Variants in CACNB2 observed in about 807,000 individuals in gnomAD.
CACNB2 encodes the protein voltage-dependent L-type calcium channel subunit beta-2.
CACNB2 carries 42 observed loss-of-function variants against 73.3 expected under a neutral mutation model. The ratio of observed to expected loss-of-function variants is 0.57; its 90% CI spans 0.45 to 0.74. The LOEUF (loss-of-function observed/expected upper bound fraction) is 0.74. Ranked by LOEUF, CACNB2 falls within the 30% of genes least tolerant of loss-of-function variation. The pLI is 0.00. For missense variants in CACNB2, 940 were observed against 853.0 expected (o/e 1.10, Z -1.27); for synonymous variants, 348 against 310.3 (o/e 1.12, Z -1.28).
intron 2 of CACNB2, among the ~76,000 whole-genome samples, chr10:18,303,305 A>G (rs959719825): frequency 4.6e-5 from 7 of 152,120 alleles, no homozygotes; most frequent in African/African-American, 1.4e-4. Flanking sequence ...GAGTTCAAGA[A>G]CAGCCTGGCC....
chr10:18,400,804 C>G (rs896846063), intron 2 of CACNB2: 7 of 1,435,296 alleles, frequency 4.9e-6, no homozygotes, highest in Non-Finnish European at 6.4e-6. Context: ...CAATATAAAG[C>G]ACTCGAGTGT....
intron 2 of CACNB2, among the ~76,000 whole-genome samples, chr10:18,243,479 G>A (rs2036740460): frequency 6.6e-6 from 1 of 152,136 alleles, no homozygotes; most frequent in East Asian, 1.9e-4. Flanking sequence ...AGAGTGCTGT[G>A]GCTTGGATGT....
chr10:18,457,619 G>C (rs570965665), intron 3 of CACNB2, among the ~76,000 whole-genome samples: 1 of 152,010 alleles, frequency 6.6e-6, no homozygotes, highest in African/African-American at 2.4e-5. Context: ...GGCCGGTCGC[G>C]GTGGCTCATG....
chr10:18,251,703 T>G (rs1453270021), intron 2 of CACNB2, among the ~76,000 whole-genome samples: 1 of 152,174 alleles, frequency 6.6e-6, no homozygotes, highest in Admixed American at 6.5e-5. Context: ...TGAGAAGCCA[T>G]CAGAAAACTT....
At position 18,400,953 on chromosome 10, in the gene CACNB2, G is replaced by A. The variant is rs973065942; in HGVS notation, c.214-971G>A. 7 of 1,607,526 alleles carry A rather than the reference G, an allele frequency of 4.4e-6. No homozygotes were observed. In the East Asian group the frequency reaches 6.7e-5, roughly 15 times the overall value. ...CAGAGCATGGATAGGAAAGGAGCTG[G>A]GGTTCTCCGGGGCTCAGCGCGCACT... On this transcript the variant is annotated intron_variant, in intron 2 of 13. Transcript: ENST00000324631.
intron 9 of CACNB2, among the ~76,000 whole-genome samples, chr10:18,520,704 C>A (rs948614556): frequency 3.3e-5 from 5 of 152,232 alleles, no homozygotes; most frequent in African/African-American, 1.2e-4. Flanking sequence ...CTCGCTCATT[C>A]TCACCCTGCC....
intron 2 of CACNB2, among the ~76,000 whole-genome samples, chr10:18,367,060 A>G (rs2132261521): frequency 6.6e-6 from 1 of 152,334 alleles, no homozygotes; most frequent in Admixed American, 6.5e-5. Context: ...AACATGTACT[A>G]CGATGACGAT....
chr10:18,421,601 AGTATGGTATTTTTAAAAG>A (rs2045328344), intron 3 of CACNB2, among the ~76,000 whole-genome samples: 1 of 152,114 alleles, frequency 6.6e-6, no homozygotes, highest in Non-Finnish European at 1.5e-5. Context: ...TGCCTGGCCC[AGTATGGTATTTTTAAAAG>A]GTTTTTTAAG....
intron 2 of CACNB2, among the ~76,000 whole-genome samples, chr10:18,225,830 G>A (rs2035970956): frequency 6.6e-6 from 1 of 151,814 alleles, no homozygotes; most frequent in Non-Finnish European, 1.5e-5. Context: ...TGTAGAAATG[G>A]GGTCCCACTA....
At chr10:18,163,614 G>A (rs1024923816) in intron 2 of CACNB2, among the ~76,000 whole-genome samples, 6 of 152,190 alleles carry the variant, frequency 3.9e-5, no homozygotes, top group Admixed American at 2.0e-4. Flanking sequence ...CATCTGTTTC[G>A]TATTGAGCAT....
intron 1 of CACNB2, among the ~76,000 whole-genome samples, chr10:18,145,556 CTCTT>C (rs2030879327): frequency 6.6e-6 from 1 of 152,044 alleles, no homozygotes; most frequent in African/African-American, 2.4e-5. Flanking sequence ...ATTTTTCTCT[CTCTT>C]TTTATGTGAA....
intron 2 of CACNB2, among the ~76,000 whole-genome samples, chr10:18,242,111 A>ATG (rs1554775803): frequency 4.4e-4 from 3 of 6,768 alleles, no homozygotes; most frequent in Non-Finnish European, 1.1e-3. Context: ...ATATGTATAC[A>ATG]TGTGTGTGTG....
intron 2 of CACNB2, among the ~76,000 whole-genome samples, chr10:18,208,616 A>G (rs1428841989): frequency 6.6e-6 from 1 of 152,032 alleles, no homozygotes; most frequent in Non-Finnish European, 1.5e-5. Flanking sequence ...TGTCTCAAAA[A>G]AATAAAATAA....
intron 2 of CACNB2, among the ~76,000 whole-genome samples, chr10:18,243,544 G>A (rs1331195518): frequency 1.3e-5 from 2 of 152,152 alleles, no homozygotes; most frequent in African/African-American, 2.4e-5. Context: ...AGGTAACGTT[G>A]GGAGCTGGGG....
At position 18,539,398 on chromosome 10, in the gene CACNB2, G is replaced by GAGAC. The variant is rs1564677253; in HGVS notation, c.1659_1662dup (p.Phe555AspfsTer3). 3 of 1,614,060 alleles carry GAGAC rather than the reference G, an allele frequency of 1.9e-6. No individual in the cohort carries two copies. The highest frequency in any genetic ancestry group is 2.5e-6 in the Non-Finnish European group (3 of 1,179,998). On this transcript the variant is annotated frameshift_variant, in exon 14 of 14. Coordinates refer to ENST00000324631, the MANE Select transcript of CACNB2 (RefSeq NM_201596.3). LOFTEE classifies it high-confidence loss of function. ...GACAAGTCGCGGCCTCTCCAGGCAA[G>GAGAC]AGACATTTGACTCGGAAACCCAGGA... is the stretch of plus-strand genomic sequence containing the variant.
intron 9 of CACNB2, chr10:18,519,860 A>G (rs1327454189): frequency 2.5e-6 from 1 of 402,962 alleles, no homozygotes; most frequent in Non-Finnish European, 4.9e-6. Flanking sequence ...TCCAGGGATA[A>G]ATTTTCAGCC....
At chr10:18,417,223 G>T (rs1175798012) in intron 3 of CACNB2, among the ~76,000 whole-genome samples, 2 of 151,522 alleles carry the variant, frequency 1.3e-5, no homozygotes, top group African/African-American at 4.9e-5. Flanking sequence ...GTTGAGTCTG[G>T]ATAGAGTTTA....
chr10:18,267,100 G>C (rs899655549), intron 2 of CACNB2, among the ~76,000 whole-genome samples: 4 of 152,022 alleles, frequency 2.6e-5, no homozygotes, highest in South Asian at 2.1e-4. Flanking sequence ...TGTCCTTTAA[G>C]GGTGATATTT....
At chr10:18,328,181 T>C (rs139371345) in intron 2 of CACNB2, among the ~76,000 whole-genome samples, 3 of 152,292 alleles carry the variant, frequency 2.0e-5, no homozygotes, top group African/African-American at 4.8e-5. Context: ...TGATGAACCA[T>C]GCAGAGAAAA....
Sources: gnomAD v4.1 joint callset for allele counts (sites outside exome capture counted in the v4.1 genomes callset) on GRCh38, gnomAD v4.1.1 for gene constraint, MANE v1.5 for transcripts, NCBI Gene and HGNC (gene_info 2026-07-23, HGNC 2026-07-21) for gene names.